BRCA1: variants seen among roughly 807,000 people sequenced by gnomAD.
The protein encoded by BRCA1 is breast cancer type 1 susceptibility protein.
In BRCA1, 140 loss-of-function variants were observed where a neutral mutation model predicts 173.7. The ratio of observed to expected loss-of-function variants is 0.81; its 90% CI spans 0.70 to 0.93. BRCA1 has a LOEUF of 0.93. BRCA1 is among the 40% of genes least tolerant of loss of function. The pLI is 0.00. For synonymous variants in BRCA1, 662 were observed against 756.0 expected (o/e 0.88, Z 2.04); for missense variants, 1,983 against 2,172.5 (o/e 0.91, Z 1.73).
chr17:43,067,048 C>T (rs559799246), intron 16 of BRCA1, among the ~76,000 whole-genome samples: 1 of 150,996 alleles, frequency 6.6e-6, no homozygotes, highest in Non-Finnish European at 1.5e-5. Flanking sequence ...GAACTCCTGA[C>T]CTCAGGTGAT....
chr17:43,052,783 A>G (rs923698863), intron 19 of BRCA1, among the ~76,000 whole-genome samples: 1 of 89,062 alleles, frequency 1.1e-5, no homozygotes, highest in Non-Finnish European at 2.6e-5. Flanking sequence ...GGACAGAAAC[A>G]CACACACACA....
At chr17:43,105,930 C>T (rs2154553933) in intron 4 of BRCA1, among the ~76,000 whole-genome samples, 1 of 152,014 alleles carries the variant, frequency 6.6e-6, no homozygotes, top group South Asian at 2.1e-4. Context: ...CAGGAGTTAC[C>T]AGCCTGGGCA....
At chr17:43,108,014 AAGAGACCC>A (rs2054869281) in intron 3 of BRCA1, among the ~76,000 whole-genome samples, 1 of 152,122 alleles carries the variant, frequency 6.6e-6, no homozygotes, top group Non-Finnish European at 1.5e-5. Flanking sequence ...ACTGACAATG[AAGAGACCC>A]AGGAAAGAAA....
chr17:43,138,849 C>T (rs754700951), intron 1 of BRCA1: 4 of 778,746 alleles, frequency 5.1e-6, no homozygotes, highest in East Asian at 4.8e-5. Flanking sequence ...GCCTGGGGAC[C>T]GTGGGGCTGC....
In BRCA1 at chr17:43,120,661, G is replaced by A. The variant is rs1401444434; in HGVS notation, c.80+3356C>T. On this transcript the variant is annotated intron_variant, in intron 2 of 22. Coordinates refer to ENST00000357654, the MANE Select transcript of BRCA1 (RefSeq NM_007294.4). ...ACGCCTGTAGTCCCAGCTACTTGGG[G>A]GGCCGAGGCAGGAGAATGGCGTGAA... 5.3e-4 allele frequency among the ~76,000 whole-genome samples: 80 copies of A among 152,180 alleles called. 1 individual carries two copies. The highest frequency in any genetic ancestry group is 9.6e-4 in the Non-Finnish European group (65 of 67,984).
At position 43,107,415 on chromosome 17, in the gene BRCA1, C is replaced by T. The variant is rs1451679187; in HGVS notation, c.135-882G>A. Among the ~76,000 whole-genome samples, 3 of 144,944 alleles carry T rather than the reference C, an allele frequency of 2.1e-5. No individual in the cohort carries two copies. In the East Asian group the frequency reaches 6.1e-4, roughly 29 times the overall value. On this transcript the variant is annotated intron_variant, in intron 3 of 22. Coordinates refer to ENST00000357654, the MANE Select transcript of BRCA1 (RefSeq NM_007294.4). ...TTTTTTTTTTTGAGACAGACTCACT[C>T]TATCACCCAGGCTGGAGGGTAGTGA... is the stretch of plus-strand genomic sequence containing the variant.
chr17:43,128,085 C>G (rs1022530401), upstream of BRCA1, among the ~76,000 whole-genome samples: 1 of 150,546 alleles, frequency 6.6e-6, no homozygotes, highest in Non-Finnish European at 1.5e-5. Flanking sequence ...GCAACCCGCT[C>G]TGGTCTCCTT....
chr17:43,085,988 C>T (rs927686043), intron 11 of BRCA1, among the ~76,000 whole-genome samples: 2 of 151,952 alleles, frequency 1.3e-5, no homozygotes, highest in African/African-American at 2.4e-5. Flanking sequence ...CTAGTTTTGT[C>T]GACATGTTGT....
intron 14 of BRCA1, among the ~76,000 whole-genome samples, chr17:43,071,888 G>A (rs1267380557): frequency 2.7e-5 from 4 of 149,962 alleles, no homozygotes. Context: ...GGCGCCTGTA[G>A]TCCCGGCTAC....
At chr17:43,059,469 CACA>C (rs746155740) in intron 18 of BRCA1, among the ~76,000 whole-genome samples, 7,249 of 147,456 alleles carry the variant, frequency 0.049, 187 homozygotes, top group Middle Eastern at 0.11. Flanking sequence ...GAGATGCTGT[CACA>C]ACAACAACAA....
chr17:43,122,357 G>A (rs1324674358), intron 2 of BRCA1, among the ~76,000 whole-genome samples: 4 of 152,158 alleles, frequency 2.6e-5, no homozygotes, highest in South Asian at 4.1e-4. Context: ...TTTGACAAAT[G>A]TTTATTGAGT....
Position 43,100,684 on chromosome 17 carries a change from T to TATAACATATATATATATATATATATATA in BRCA1, c.442-805_442-804insTATATATATATATATATATATATGTTAT, listed in dbSNP as rs1555595423. Among the ~76,000 whole-genome samples, 28 of 12,556 alleles carry TATAACATATATATATATATATATATATA rather than the reference T, an allele frequency of 2.2e-3. 6 individuals carry two copies. Among genetic ancestry groups the TATAACATATATATATATATATATATATA allele is most frequent in the African/African-American group, 6.0e-3 (28 of 4,684 alleles). The allele number at this position is 12,556 out of a possible 152,430, so 8.2% of individuals were successfully genotyped here. On this transcript the variant is annotated intron_variant, in intron 6 of 22. Transcript: ENST00000357654. ...TATATATATATATATATATAATATA[T>TATAACATATATATATATATATATATATA]ATATATATATATATATATGTAATCC...
upstream of BRCA1, among the ~76,000 whole-genome samples, chr17:43,130,427 C>T (rs1359053948): frequency 2.0e-5 from 3 of 152,168 alleles, no homozygotes; most frequent in Non-Finnish European, 1.5e-5. Context: ...AATTCTCTTG[C>T]CTCAGCCTCT....
In BRCA1 at chr17:43,100,609, C is replaced by CATATATATAACATATATATATGTTAT. The variant is rs1567807237; in HGVS notation, c.442-755_442-730dup. On this transcript the variant is annotated intron_variant, in intron 6 of 22. Coordinates refer to ENST00000357654, the MANE Select transcript of BRCA1 (RefSeq NM_007294.4). ...ACATATATATATTATATATATATAA[C>CATATATATAACATATATATATGTTAT]ATATATATAACATATATATATGTTA... Among the ~76,000 whole-genome samples, 112 of 65,762 alleles carry CATATATATAACATATATATATGTTAT rather than the reference C, an allele frequency of 1.7e-3. 4 individuals carry two copies. Among genetic ancestry groups the CATATATATAACATATATATATGTTAT allele is most frequent in the South Asian group, 4.6e-3 (8 of 1,732 alleles). 43.1% of individuals were successfully genotyped at this position (65,762 alleles called of 152,430 possible). A position where few individuals can be genotyped will look rare whatever the true frequency, so the allele number is the denominator to read the frequency against.
At chr17:43,068,702 C>T (rs2052257811) in intron 15 of BRCA1, among the ~76,000 whole-genome samples, 1 of 152,128 alleles carries the variant, frequency 6.6e-6, no homozygotes, top group East Asian at 1.9e-4. Context: ...TGAGAGGTAA[C>T]TAGCCTACAC....
At chr17:43,080,603 G>A (rs1054636773) in intron 12 of BRCA1, among the ~76,000 whole-genome samples, 1 of 152,048 alleles carries the variant, frequency 6.6e-6, no homozygotes, top group African/African-American at 2.4e-5. Context: ...CCAGGAGTTT[G>A]AGACCAACTT....
chr17:43,085,129 A>G (rs1040600319), intron 11 of BRCA1, among the ~76,000 whole-genome samples: 1 of 152,180 alleles, frequency 6.6e-6, no homozygotes, highest in African/African-American at 2.4e-5. Context: ...TACTTCTACT[A>G]TGCTGCTCTG....
intron 1 of BRCA1, among the ~76,000 whole-genome samples, chr17:43,132,228 G>T (rs181260355): frequency 5.8e-4 from 88 of 152,262 alleles, no homozygotes; most frequent in African/African-American, 2.0e-3. Flanking sequence ...AAGGGGGGTT[G>T]TGACTGACTT....
chr17:43,147,185 C>T (rs893878085), intron 1 of BRCA1, among the ~76,000 whole-genome samples: 11 of 150,714 alleles, frequency 7.3e-5, no homozygotes, highest in Admixed American at 5.9e-4. Flanking sequence ...TTTTTAGTAG[C>T]GACGGGGTTT....
Sources: allele counts gnomAD v4.1 joint callset (sites outside exome capture counted in the v4.1 genomes callset), GRCh38; gene constraint gnomAD v4.1.1; transcripts MANE v1.5; gene names NCBI Gene and HGNC (gene_info 2026-07-23, HGNC 2026-07-21).